Variants in HECW1 observed in about 807,000 individuals in gnomAD.
The protein encoded by HECW1 is E3 ubiquitin-protein ligase HECW1.
A neutral mutation model predicts 182.3 loss-of-function variants in HECW1; 61 were observed. The observed-to-expected ratio is 0.33, with a 90% CI of 0.27 to 0.41. The LOEUF (loss-of-function observed/expected upper bound fraction) is 0.41, where lower values mean the gene tolerates loss of function less well. Among genes scored for constraint, HECW1 ranks in the 10% least tolerant of loss-of-function variants. HECW1 has a pLI of 1.00. For synonymous variants in HECW1, 859 were observed against 832.6 expected, an observed-to-expected ratio of 1.03 and a Z score of -0.55; for missense variants, 1,739 against 2,108.9, an observed-to-expected ratio of 0.82 and a Z score of 3.44.
chr7:43,410,304 G>T (rs1223188097), intron 8 of HECW1, among the ~76,000 whole-genome samples: 1 of 152,162 alleles, frequency 6.6e-6, no homozygotes, highest in Admixed American at 6.5e-5. Flanking sequence ...GGATGCAGAT[G>T]GCTGCCTTCT....
At chr7:43,515,793 A>T (rs537103036) in intron 24 of HECW1, among the ~76,000 whole-genome samples, 1 of 152,328 alleles carries the variant, frequency 6.6e-6, no homozygotes, top group South Asian at 2.1e-4. Flanking sequence ...ACTTTGTGTC[A>T]TTGGAAACTC....
At chr7:43,394,176 CAACACTAAGG>C (rs926282206) in intron 6 of HECW1, among the ~76,000 whole-genome samples, 5 of 152,136 alleles carry the variant, frequency 3.3e-5, no homozygotes, top group African/African-American at 1.2e-4. Context: ...GAAAAGTCCA[CAACACTAAGG>C]AATTTGGAAG....
At chr7:43,179,030 T>C (rs1045400091) in intron 2 of HECW1, among the ~76,000 whole-genome samples, 11 of 152,200 alleles carry the variant, frequency 7.2e-5, no homozygotes, top group Admixed American at 3.9e-4. Context: ...ACTACTTTCT[T>C]AGAAGTGCCA....
At chr7:43,235,651 A>G (rs1258554118) in intron 2 of HECW1, among the ~76,000 whole-genome samples, 1 of 152,200 alleles carries the variant, frequency 6.6e-6, no homozygotes, top group African/African-American at 2.4e-5. Context: ...AAACTTTCCC[A>G]TAGTCATTTG....
intron 5 of HECW1, among the ~76,000 whole-genome samples, chr7:43,360,406 T>C (rs1815720474): frequency 1.3e-5 from 2 of 152,048 alleles, no homozygotes; most frequent in Non-Finnish European, 2.9e-5. Context: ...AGGAAACAAA[T>C]TGTGATGCAA....
chr7:43,464,181 GTAAATTTA>G (rs1223009429), intron 14 of HECW1, among the ~76,000 whole-genome samples: 2 of 152,214 alleles, frequency 1.3e-5, no homozygotes, highest in African/African-American at 4.8e-5. Flanking sequence ...TTATTGTTAA[GTAAATTTA>G]TTGTATTTGT....
intron 17 of HECW1, chr7:43,484,172 A>C (rs550671730): frequency 2.0e-5 from 3 of 152,276 alleles, no homozygotes; most frequent in Non-Finnish European, 4.4e-5. Context: ...CAAATGGGTG[A>C]CCACTAACGT....
intron 3 of HECW1, among the ~76,000 whole-genome samples, chr7:43,277,069 T>A (rs568869225): frequency 6.6e-6 from 1 of 152,336 alleles, no homozygotes; most frequent in East Asian, 1.9e-4. Context: ...CTCCTTTCTC[T>A]AGTCCTCCTC....
intron 2 of HECW1, among the ~76,000 whole-genome samples, chr7:43,206,051 C>G (rs1023968522): frequency 1.3e-5 from 2 of 152,232 alleles, no homozygotes; most frequent in Non-Finnish European, 1.5e-5. Context: ...TTGTCTGGCG[C>G]TATAGGCTGT....
rs570547447 is a variant in HECW1 at position 43,416,884 on chromosome 7, G to T, written c.801+9153G>T. Among the ~76,000 whole-genome samples, 47 of 151,956 alleles carry T rather than the reference G, an allele frequency of 3.1e-4. 1 individual carries two copies. The highest frequency in any genetic ancestry group is 5.6e-4 in the Non-Finnish European group (38 of 67,932). On this transcript the variant is annotated intron_variant, in intron 8 of 29. Transcript: ENST00000395891. Reference sequence around the variant, plus strand: ...GTGAGGCAATGCTCGCCCTGCTTCGGCTCGAGCACGGTGTGCGCACCCACT... The same window carrying T: ...GTGAGGCAATGCTCGCCCTGCTTCGTCTCGAGCACGGTGTGCGCACCCACT...
chr7:43,549,079 C>G (rs1242988191), intron 26 of HECW1, among the ~76,000 whole-genome samples: 1 of 152,238 alleles, frequency 6.6e-6, no homozygotes, highest in Non-Finnish European at 1.5e-5. Flanking sequence ...ACCATCACAA[C>G]TGTGTTCAGT....
At position 43,246,220 on chromosome 7, in the gene HECW1, T is replaced by C. The variant is rs189878400; in HGVS notation, c.27+2288T>C. On this transcript the variant is annotated intron_variant, in intron 3 of 29. Transcript: ENST00000395891. ...GAGGAGGCTGAACAGGGAGAATCGC[T>C]TGAGCCCAGGAGTTCCAGGCTACAG... is the stretch of plus-strand genomic sequence containing the variant. Among the ~76,000 whole-genome samples, 40 of 152,268 alleles carry C rather than the reference T, an allele frequency of 2.6e-4. 1 individual carries two copies. The East Asian group carries it at 4.8e-3, about 18-fold the overall frequency.
intron 29 of HECW1, among the ~76,000 whole-genome samples, chr7:43,559,693 C>T (rs2082147305): frequency 2.0e-5 from 3 of 152,140 alleles, no homozygotes; most frequent in African/African-American, 7.2e-5. Flanking sequence ...TTGCTGTCCA[C>T]TGCCCCACAC....
chr7:43,396,452 A>G (rs2302446), intron 6 of HECW1, among the ~76,000 whole-genome samples: 17,131 of 152,276 alleles, frequency 0.11, 1,222 homozygotes, highest in Middle Eastern at 0.29. Flanking sequence ...AATAGTAAAC[A>G]TCTATTGACC....
chr7:43,258,370 A>C (rs894628005), intron 3 of HECW1, among the ~76,000 whole-genome samples: 1 of 151,918 alleles, frequency 6.6e-6, no homozygotes, highest in Admixed American at 6.6e-5. Flanking sequence ...AAAAAATAAA[A>C]AAATAAAAAA....
chr7:43,209,591 C>T (rs1795817258), intron 2 of HECW1, among the ~76,000 whole-genome samples: 1 of 152,022 alleles, frequency 6.6e-6, no homozygotes. Flanking sequence ...CATTTTTTTC[C>T]TCTGTGAAAA....
chr7:43,236,505 A>G (rs1798354071), intron 2 of HECW1, among the ~76,000 whole-genome samples: 1 of 152,206 alleles, frequency 6.6e-6, no homozygotes, highest in Admixed American at 6.5e-5. Flanking sequence ...ACGTCAATCA[A>G]TATGTATAAG....
intron 3 of HECW1, among the ~76,000 whole-genome samples, chr7:43,310,971 G>A (rs1336040490): frequency 6.6e-6 from 1 of 152,196 alleles, no homozygotes; most frequent in African/African-American, 2.4e-5. Context: ...TCTATTTGCT[G>A]CCTGTCCTTC....
At position 43,552,450 on chromosome 7, in the gene HECW1, A is replaced by G. The variant is rs143236933; in HGVS notation, c.4510+114A>G. On this transcript the variant is annotated intron_variant, in intron 28 of 29. Transcript: ENST00000395891. ...TAAAATAAAATTGACTAAAGCGAAC[A>G]AGTCAGTGGCATTTAGTACATTCAC... 291 of 721,852 alleles carry G rather than the reference A, an allele frequency of 4.0e-4. No individual in the cohort carries two copies. The African/African-American group carries it at 4.5e-3, about 11-fold the overall frequency. 44.7% of individuals were successfully genotyped at this position (721,852 alleles called of 1,614,324 possible).
Sources: gnomAD v4.1 joint callset for allele counts (sites outside exome capture counted in the v4.1 genomes callset) on GRCh38, gnomAD v4.1.1 for gene constraint, MANE v1.5 for transcripts, NCBI Gene and HGNC (gene_info 2026-07-23, HGNC 2026-07-21) for gene names.